Variants in EYS observed in about 807,000 individuals in gnomAD.
EYS encodes the protein protein eyes shut homolog.
In EYS, 250 loss-of-function variants were observed where a neutral mutation model predicts 282.1. That is an observed-to-expected ratio of 0.89 (90% confidence interval 0.80 to 0.98). The LOEUF is 0.98. Among genes scored for constraint, EYS ranks in the 50% least tolerant of loss-of-function variants. The probability of loss-of-function intolerance (pLI) is 0.00; values close to 1 mark genes in which losing one functional copy is unlikely to be tolerated. For missense variants in EYS, 4,016 were observed against 3,709.0 expected (o/e 1.08, Z -2.15); for synonymous variants, 1,355 against 1,282.9 (o/e 1.06, Z -1.20).
At chr6:65,656,574 GGAAGTTACA>G (rs1562312729) in intron 1 of EYS, among the ~76,000 whole-genome samples, 1 of 151,856 alleles carries the variant, frequency 6.6e-6, no homozygotes, top group African/African-American at 2.4e-5. Context: ...AGAGAGATGA[GGAAGTTACA>G]GAAGAAAAGT....
intron 12 of EYS, among the ~76,000 whole-genome samples, chr6:65,166,473 C>T (rs903349257): frequency 6.6e-6 from 1 of 151,202 alleles, no homozygotes; most frequent in South Asian, 2.1e-4. Flanking sequence ...TAAGATGATT[C>T]AATAAGCATA....
At chr6:64,113,697 A>G (rs1773284549) in intron 31 of EYS, among the ~76,000 whole-genome samples, 2 of 152,150 alleles carry the variant, frequency 1.3e-5, no homozygotes, top group Non-Finnish European at 2.9e-5. Context: ...TTAATTATAA[A>G]CTTTACCATG....
At chr6:63,903,292 C>A (rs535863311) in intron 35 of EYS, among the ~76,000 whole-genome samples, 19 of 152,174 alleles carry the variant, frequency 1.2e-4, no homozygotes, top group African/African-American at 4.3e-4. Flanking sequence ...GTAGGAAGGT[C>A]ATCAAGCTGG....
chr6:64,778,153 G>A (rs1324151369), intron 22 of EYS, among the ~76,000 whole-genome samples: 3 of 152,032 alleles, frequency 2.0e-5, no homozygotes, highest in Non-Finnish European at 4.4e-5. Context: ...GGACAGGAGC[G>A]AATGCCTTCA....
At chr6:65,613,476 T>A (rs866599920) in intron 2 of EYS, among the ~76,000 whole-genome samples, 6 of 151,870 alleles carry the variant, frequency 4.0e-5, no homozygotes, top group Non-Finnish European at 7.4e-5. Context: ...TCTGGTACAC[T>A]GGGTAAGATC....
intron 13 of EYS, among the ~76,000 whole-genome samples, chr6:65,029,927 C>T (rs117333286): frequency 6.2e-4 from 94 of 152,152 alleles, no homozygotes; most frequent in African/African-American, 2.0e-3. Flanking sequence ...GACAAATAAG[C>T]GAGGATGGCC....
chr6:64,499,852 G>C (rs1188151540), intron 26 of EYS, among the ~76,000 whole-genome samples: 1 of 152,034 alleles, frequency 6.6e-6, no homozygotes, highest in African/African-American at 2.4e-5. Context: ...CTTATAGTTT[G>C]ATCATTTCTG....
intron 22 of EYS, among the ~76,000 whole-genome samples, chr6:64,764,321 G>A (rs1178128344): frequency 6.6e-6 from 1 of 152,218 alleles, no homozygotes; most frequent in East Asian, 1.9e-4. Flanking sequence ...TAGCTTCTGT[G>A]CATCTGCAGG....
At chr6:64,924,486 G>A (rs1044031607) in intron 15 of EYS, among the ~76,000 whole-genome samples, 2 of 152,162 alleles carry the variant, frequency 1.3e-5, no homozygotes, top group African/African-American at 4.8e-5. Context: ...TGCTACTTAT[G>A]CAAATTTCTG....
At chr6:65,498,569 T>G (rs1161423779) in intron 2 of EYS, among the ~76,000 whole-genome samples, 2 of 152,016 alleles carry the variant, frequency 1.3e-5, no homozygotes, top group Non-Finnish European at 2.9e-5. Context: ...GGTCTCTAAT[T>G]ATTGTGCATT....
intron 22 of EYS, among the ~76,000 whole-genome samples, chr6:64,745,023 CAG>C (rs879721862): frequency 6.6e-6 from 1 of 152,122 alleles, no homozygotes; most frequent in Non-Finnish European, 1.5e-5. Flanking sequence ...TGAGGGGAAA[CAG>C]TGTGTCATGC....
chr6:63,741,658 A>G (rs1769078827), intron 41 of EYS, among the ~76,000 whole-genome samples: 1 of 152,182 alleles, frequency 6.6e-6, no homozygotes, highest in Admixed American at 6.5e-5. Context: ...GATGTCTGTG[A>G]GATCTTTCAT....
rs115477381 is a variant in EYS, at chr6:64,139,337, A to G, written c.6425-57335T>C. Among the ~76,000 whole-genome samples, 358 of 152,202 alleles carry G rather than the reference A, an allele frequency of 2.4e-3. 1 individual carries two copies. Among genetic ancestry groups the G allele is most frequent in the African/African-American group, 8.2e-3 (340 of 41,544 alleles). On this transcript the variant is annotated intron_variant, in intron 31 of 42. Transcript: ENST00000503581. ...CTGAACTAAGGACTTTAAAGGGGAG[A>G]TATAAGGAGTAGTCAAAGAAGACAT...
intron 22 of EYS, among the ~76,000 whole-genome samples, chr6:64,696,512 A>G (rs1306379857): frequency 6.6e-6 from 1 of 152,146 alleles, no homozygotes; most frequent in Non-Finnish European, 1.5e-5. Flanking sequence ...AAATTCCAGC[A>G]AAGTATATTG....
intron 14 of EYS, among the ~76,000 whole-genome samples, chr6:64,956,364 G>C (rs1288020360): frequency 6.6e-6 from 1 of 152,166 alleles, no homozygotes; most frequent in Non-Finnish European, 1.5e-5. Flanking sequence ...TCAATAAATG[G>C]TGCTGGGAAA....
At position 64,546,356 on chromosome 6, in the gene EYS, T is replaced by C. The variant is rs572297692; in HGVS notation, c.5644+43867A>G. Among the ~76,000 whole-genome samples, 11 of 152,236 alleles carry C rather than the reference T, an allele frequency of 7.2e-5. No homozygotes were observed. In the South Asian group the frequency reaches 1.7e-3, roughly 23 times the overall value. On this transcript the variant is annotated intron_variant, in intron 26 of 42. Transcript: ENST00000503581. Reference sequence around the variant, plus strand: ...GAAACTGGATCCGTTCCTTACACCTTATACAAAAATTAATTCACGTGGATT... The same window carrying C: ...GAAACTGGATCCGTTCCTTACACCTCATACAAAAATTAATTCACGTGGATT...
At chr6:65,065,476 G>A (rs1252698701) in intron 12 of EYS, among the ~76,000 whole-genome samples, 3 of 150,904 alleles carry the variant, frequency 2.0e-5, no homozygotes, top group East Asian at 2.0e-4. Context: ...TCCACCTCCC[G>A]GGTTCACGCC....
chr6:64,984,466 T>C (rs1394740424), intron 14 of EYS, among the ~76,000 whole-genome samples: 2 of 151,448 alleles, frequency 1.3e-5, no homozygotes, highest in Non-Finnish European at 3.0e-5. Flanking sequence ...CTTTTTAAAC[T>C]GCCTACAAAA....
intron 31 of EYS, among the ~76,000 whole-genome samples, chr6:64,135,595 A>C (rs1332563963): frequency 1.3e-5 from 2 of 152,072 alleles, no homozygotes; most frequent in Non-Finnish European, 2.9e-5. Flanking sequence ...TGACCTTAAG[A>C]AGGAGTACAG....
Sources: allele counts gnomAD v4.1 joint callset (sites outside exome capture counted in the v4.1 genomes callset), GRCh38; gene constraint gnomAD v4.1.1; transcripts MANE v1.5; gene names NCBI Gene and HGNC (gene_info 2026-07-23, HGNC 2026-07-21).